The following SLC4A8 variants were observed in gnomAD, a reference collection of about 807,000 sequenced individuals.
SLC4A8 encodes the protein electroneutral sodium bicarbonate exchanger 1.
Under a neutral mutation model 125.0 loss-of-function variants are expected in SLC4A8, and 40 were observed. The ratio of observed to expected loss-of-function variants is 0.32; its 90% CI spans 0.25 to 0.42. SLC4A8 has a LOEUF of 0.42. Among genes scored for constraint, SLC4A8 ranks in the 10% least tolerant of loss-of-function variants. The probability of loss-of-function intolerance (pLI) is 1.00; values close to 1 mark genes in which losing one functional copy is unlikely to be tolerated. For synonymous variants in SLC4A8, 456 were observed against 476.0 expected, an observed-to-expected ratio of 0.96 and a Z score of 0.55; for missense variants, 863 against 1,355.1, an observed-to-expected ratio of 0.64 and a Z score of 5.70.
At chr12:51,397,730 T>A (rs193072686) in intron 1 of SLC4A8, among the ~76,000 whole-genome samples, 1 of 151,978 alleles carries the variant, frequency 6.6e-6, no homozygotes, top group African/African-American at 2.4e-5. Context: ...GGTGCATTTT[T>A]AAAAATCTTT....
At chr12:51,439,973 G>C (rs1320447292) in intron 1 of SLC4A8, among the ~76,000 whole-genome samples, 1 of 152,200 alleles carries the variant, frequency 6.6e-6, no homozygotes. Flanking sequence ...GACTGCAGTT[G>C]AAATTGTAAG....
chr12:51,503,944 A>T, intron 22 of SLC4A8, 85 bp from the exon 23 acceptor site: 1 of 708,186 alleles, frequency 1.4e-6, no homozygotes. Context: ...CAATGAAATT[A>T]GGTAGAAATT....
chr12:51,430,798 C>T (rs1330922248), intron 1 of SLC4A8, among the ~76,000 whole-genome samples: 2 of 152,188 alleles, frequency 1.3e-5, no homozygotes, highest in African/African-American at 4.8e-5. Context: ...GTAACAGCAA[C>T]AGATCTTAGA....
chr12:51,398,065 C>T (rs1948299631), intron 1 of SLC4A8, among the ~76,000 whole-genome samples: 1 of 152,126 alleles, frequency 6.6e-6, no homozygotes, highest in African/African-American at 2.4e-5. Context: ...TGAGCCACTG[C>T]GTTCTGCTCG....
In SLC4A8 at chr12:51,490,324, G is replaced by A. The variant is rs550340955; in HGVS notation, c.2700+373G>A. ...TAATCCCAGCACTTTGGGAGGCTGA[G>A]GTGGGTGGATCATGAGGTTCGGAGA... On this transcript the variant is annotated intron_variant, in intron 19 of 24. Coordinates refer to ENST00000453097, the MANE Select transcript of SLC4A8 (RefSeq NM_001039960.3). Among the ~76,000 whole-genome samples the A allele has an allele frequency of 7.9e-5, 12 of 152,106 alleles. No homozygotes were observed. The South Asian group carries it at 2.5e-3, about 32-fold the overall frequency.
At chr12:51,471,602 C>G in intron 14 of SLC4A8, 70 bp downstream of exon 14, 1 of 1,513,386 alleles carries the variant, frequency 6.6e-7, no homozygotes, top group Non-Finnish European at 9.0e-7. Context: ...ATGTAGAGTG[C>G]TAGGCAGTGC....
intron 11 of SLC4A8, among the ~76,000 whole-genome samples, chr12:51,467,071 G>T (rs752109377): frequency 1.3e-5 from 2 of 151,990 alleles, no homozygotes; most frequent in Non-Finnish European, 2.9e-5. Flanking sequence ...GGTAATAATC[G>T]CATGGTAATA....
intron 8 of SLC4A8, among the ~76,000 whole-genome samples, chr12:51,460,717 T>C (rs951403506): frequency 6.6e-6 from 1 of 152,250 alleles, no homozygotes; most frequent in Non-Finnish European, 1.5e-5. Flanking sequence ...AGGCTATTCA[T>C]GCGCTCTGAA....
At position 51,510,640 on chromosome 12, in the gene SLC4A8, TACTGACATCAG is replaced by T. The variant is rs1938335332; in HGVS notation, c.*3206_*3216del. 6.6e-6 allele frequency: 1 copy of T among 152,248 alleles called. No homozygotes were observed. The highest frequency in any genetic ancestry group is 6.5e-5 in the Admixed American group (1 of 15,286). The allele number at this position is 152,248 out of a possible 1,614,324, so 9.4% of individuals were successfully genotyped here. On this transcript the variant is annotated 3_prime_UTR_variant, in exon 25 of 25. Coordinates refer to ENST00000453097, the MANE Select transcript of SLC4A8 (RefSeq NM_001039960.3). ...CAATCTAGTGTTTCAGCCAGTTCAC[TACTGACATCAG>T]ACTCAACTTTGTCCCCTCTCTTTCT...
At chr12:51,417,770 C>CCTTGGG (rs1406292546) in intron 1 of SLC4A8, among the ~76,000 whole-genome samples, 1 of 152,216 alleles carries the variant, frequency 6.6e-6, no homozygotes, top group Non-Finnish European at 1.5e-5. Flanking sequence ...CCCACCTCAG[C>CCTTGGG]CTCCCAAAGT....
At chr12:51,471,711 T>A in intron 14 of SLC4A8, 179 bp downstream of exon 14, 1 of 645,318 alleles carries the variant, frequency 1.5e-6, no homozygotes, top group South Asian at 2.2e-5. Flanking sequence ...CAATCAAAAG[T>A]GTTGACAGAG....
At chr12:51,483,546 T>A (rs1951085194) in intron 16 of SLC4A8, among the ~76,000 whole-genome samples, 2 of 151,834 alleles carry the variant, frequency 1.3e-5, no homozygotes, top group Non-Finnish European at 2.9e-5. Context: ...AAAACATTTA[T>A]TCAGCATACT....
intron 17 of SLC4A8, 142 bp downstream of exon 17, chr12:51,486,042 G>T (rs10783445): frequency 0.93 from 459,555 of 492,006 alleles, 214,882 homozygotes; most frequent in Non-Finnish European, 0.95. Flanking sequence ...ACCTTGTCAT[G>T]TAGAAAAGCA....
chr12:51,463,116 A>G (rs1022454086), intron 10 of SLC4A8, among the ~76,000 whole-genome samples: 2 of 152,162 alleles, frequency 1.3e-5, no homozygotes, highest in Non-Finnish European at 2.9e-5. Flanking sequence ...TTTTTCTGAC[A>G]TATTAGAGAT....
rs537428300 is a variant in SLC4A8 at position 51,415,758 on chromosome 12, C to T, written c.-112+24270C>T. ...TGGAAATTACAGACACTGGGGACTC[C>T]AAAAGGGGAGAGAGTGGGAGGGAGG... On this transcript the variant is annotated intron_variant, in intron 1 of 24. Transcript: ENST00000358657. 7.1e-4 allele frequency among the ~76,000 whole-genome samples: 106 copies of T among 149,374 alleles called. 1 individual carries two copies. The highest frequency in any genetic ancestry group is 2.5e-3 in the African/African-American group (103 of 40,402).
chr12:51,442,743 T>C (rs557745974), intron 2 of SLC4A8, among the ~76,000 whole-genome samples: 1 of 152,320 alleles, frequency 6.6e-6, no homozygotes, highest in East Asian at 1.9e-4. Context: ...AGGCCTGATG[T>C]GGTTTCTAGA....
At chr12:51,394,998 T>C (rs1274901337) in intron 1 of SLC4A8, among the ~76,000 whole-genome samples, 2 of 151,746 alleles carry the variant, frequency 1.3e-5, no homozygotes, top group African/African-American at 4.8e-5. Flanking sequence ...TGCTACATTC[T>C]AGTCTGGGCA....
At chr12:51,424,053 AC>A (rs1555186699), upstream of SLC4A8, among the ~76,000 whole-genome samples, 26 of 42,564 alleles carry the variant, frequency 6.1e-4, 1 homozygote, top group East Asian at 1.6e-3. Context: ...AAAAAAAAAA[AC>A]AAAAAAAACA....
intron 1 of SLC4A8, chr12:51,402,960 T>TC (rs1322117987): frequency 1.3e-5 from 4 of 313,918 alleles, no homozygotes; most frequent in African/African-American, 2.2e-5. Flanking sequence ...CCTGATAGAA[T>TC]CCCCCCCAGT....
Sources: gnomAD v4.1 joint callset for allele counts (sites outside exome capture counted in the v4.1 genomes callset) on GRCh38, gnomAD v4.1.1 for gene constraint, MANE v1.5 for transcripts, NCBI Gene and HGNC (gene_info 2026-07-23, HGNC 2026-07-21) for gene names.